SSUH2: variants seen among roughly 807,000 people sequenced by gnomAD.
SSUH2 encodes the protein protein SSUH2 homolog.
A neutral mutation model predicts 55.3 loss-of-function variants in SSUH2; 47 were observed. The observed-to-expected ratio is 0.85, with a 90% CI of 0.67 to 1.08. SSUH2 has a LOEUF of 1.08. Ranked by LOEUF, SSUH2 falls within the 50% of genes least tolerant of loss-of-function variation. The probability of loss-of-function intolerance (pLI) is 0.00; values close to 1 mark genes in which losing one functional copy is unlikely to be tolerated. For synonymous variants in SSUH2, 212 were observed against 191.5 expected (o/e 1.11, Z -0.89); for missense variants, 535 against 490.7 (o/e 1.09, Z -0.85).
Position 8,629,688 on chromosome 3 carries a change from G to A in SSUH2, c.564C>T (p.Cys188=), listed in dbSNP as rs1331450175. 3 of 1,270,794 alleles carry A rather than the reference G, an allele frequency of 2.4e-6. No individual in the cohort carries two copies. Among genetic ancestry groups the A allele is most frequent in the Admixed American group, 3.9e-5 (2 of 50,772 alleles). The allele number at this position is 1,270,794 out of a possible 1,614,324, so 78.7% of individuals were successfully genotyped here. ...CCGTGCCCGCCCCGTGGCAGCCGCT[G>A]CACTTGTACCGCCCACGCCCATGGC... ...HKCHGRGRYK[C]SGCHGAGTVR... is the part of the protein sequence containing the mutation. The change falls in exon 7 of 12, where the codon TGC becomes TGT. Residue 188 remains cysteine (C), a synonymous_variant. Transcript: ENST00000544814.
In SSUH2 at chr3:8,626,300, T is replaced by G; in HGVS notation, c.696A>C (p.Arg232Ser). The G allele has an allele frequency of 6.2e-7, 1 of 1,613,930 alleles. No homozygotes were observed. The highest frequency in any genetic ancestry group is 2.2e-5 in the East Asian group (1 of 44,868). Reference protein sequence around the residue: ...GRRRCSTCSGRGNKTCATCKG... With the variant: ...GRRRCSTCSGSGNKTCATCKG... ...TGCAGGTGGCGCAGGTCTTGTTCCC[T>G]CTCCCTGAGCAAGTGCTGCATCTGA... is the stretch of plus-strand genomic sequence containing the variant. Residue 232 changes from arginine to serine, a missense_variant, in exon 9 of 12, where the codon AGA becomes AGC. Arg to Ser is a moderately radical substitution (Grantham distance 110). Coordinates refer to ENST00000544814, the MANE Select transcript of SSUH2 (RefSeq NM_001256748.3).
At chr3:8,653,563 G>A (rs1702645220) in intron 7 of SSUH2, among the ~76,000 whole-genome samples, 1 of 152,112 alleles carries the variant, frequency 6.6e-6, no homozygotes, top group Non-Finnish European at 1.5e-5. Flanking sequence ...TCATTTTATT[G>A]TTGTTGCTGT....
rs1317751841 is a variant in SSUH2 at position 8,679,175 on chromosome 3, TC to T, written c.-901+529del. 6.2e-4 allele frequency among the ~76,000 whole-genome samples: 3 copies of T among 4,854 alleles called. 1 individual carries two copies. The highest frequency in any genetic ancestry group is 3.8e-3 in the Admixed American group (2 of 524). 3.2% of individuals were successfully genotyped at this position (4,854 alleles called of 152,430 possible). On this transcript the variant is annotated intron_variant, in intron 2 of 18. Transcript: ENST00000317371. ...GCGGGGACTGAGAGGCAGCCGCTGT[TC>T]CCCCACACTGGCTCTTGGGACCCCC...
intron 3 of SSUH2, among the ~76,000 whole-genome samples, chr3:8,676,268 C>T (rs1272564580): frequency 4.6e-5 from 7 of 151,904 alleles, no homozygotes; most frequent in Admixed American, 4.6e-4. Context: ...CATCCTCTTC[C>T]TCCCTGAATA....
At chr3:8,622,802 G>A (rs930975119) in intron 11 of SSUH2, among the ~76,000 whole-genome samples, 10 of 152,152 alleles carry the variant, frequency 6.6e-5, no homozygotes, top group Non-Finnish European at 8.8e-5. Flanking sequence ...AACACATTTC[G>A]AGGGTTTTGC....
chr3:8,626,138 C>G, intron 9 of SSUH2, 91 bp downstream of exon 9: 2 of 1,058,694 alleles, frequency 1.9e-6, no homozygotes, highest in South Asian at 1.4e-5. Flanking sequence ...GTGAAAGCCC[C>G]AACCAACCAC....
chr3:8,641,513 T>A (rs1700840205), intron 1 of SSUH2, among the ~76,000 whole-genome samples: 1 of 152,156 alleles, frequency 6.6e-6, no homozygotes, highest in African/African-American at 2.4e-5. Flanking sequence ...GGATCCTGTC[T>A]AAGCTGTAAC....
At chr3:8,641,648 G>T (rs947373410) in intron 1 of SSUH2, among the ~76,000 whole-genome samples, 10 of 152,198 alleles carry the variant, frequency 6.6e-5, no homozygotes, top group African/African-American at 2.4e-4. Flanking sequence ...GACCAGATGG[G>T]CCCCTAGAGG....
upstream of SSUH2, among the ~76,000 whole-genome samples, chr3:8,646,161 T>C (rs1406706820): frequency 6.6e-6 from 1 of 152,230 alleles, no homozygotes; most frequent in East Asian, 1.9e-4. Flanking sequence ...TTTCTCTGCG[T>C]GTATATTTTA....
intron 7 of SSUH2, among the ~76,000 whole-genome samples, chr3:8,656,039 TG>T (rs1306839706): frequency 6.6e-6 from 1 of 151,884 alleles, no homozygotes; most frequent in Admixed American, 6.5e-5. Flanking sequence ...TTGGGTGGTT[TG>T]TTCTGTTTTT....
At chr3:8,670,087 AG>A (rs149008932) in intron 5 of SSUH2, among the ~76,000 whole-genome samples, 3,580 of 152,066 alleles carry the variant, frequency 0.024, 135 homozygotes, top group African/African-American at 0.081. Context: ...GCATATCCCT[AG>A]GCCCCCCAGA....
rs1365145245 is a variant in SSUH2 at position 8,629,442 on chromosome 3, A to C, written c.588+222T>G. On this transcript the variant is annotated intron_variant, in intron 7 of 11. Coordinates refer to ENST00000544814, the MANE Select transcript of SSUH2 (RefSeq NM_001256748.3). ...TAGATGGATGAGAAAATAAGAGAAA[A>C]ATTAAAATCGAACTGTCAAAGTGAA... 8.8e-6 allele frequency: 5 copies of C among 569,152 alleles called. No homozygotes were observed. The African/African-American group carries it at 9.4e-5, about 11-fold the overall frequency. 35.3% of individuals were successfully genotyped at this position (569,152 alleles called of 1,614,324 possible). A position where few individuals can be genotyped will look rare whatever the true frequency, so the allele number is the denominator to read the frequency against.
Position 8,677,039 on chromosome 3 carries a change from C to T in SSUH2, c.-753+167G>A, listed in dbSNP as rs1228030451. Among the ~76,000 whole-genome samples the T allele has an allele frequency of 3.3e-4, 49 of 149,600 alleles. 1 individual carries two copies. Among genetic ancestry groups the T allele is most frequent in the Middle Eastern group, 3.4e-3 (1 of 292 alleles). On this transcript the variant is annotated intron_variant, in intron 3 of 18. Transcript: ENST00000317371. ...CTCCATCGCGGTGGGGGGAGGAACC[C>T]CCCAGGAGGCGGGGACTGCGAGCCA... is the stretch of plus-strand genomic sequence containing the variant.
upstream of SSUH2, among the ~76,000 whole-genome samples, chr3:8,647,244 C>A (rs544544206): frequency 6.6e-6 from 1 of 152,354 alleles, no homozygotes; most frequent in South Asian, 2.1e-4. Context: ...AGCAGCAGAA[C>A]AGAATCTCAG....
chr3:8,654,789 G>A (rs902598840), intron 7 of SSUH2, among the ~76,000 whole-genome samples: 2 of 151,572 alleles, frequency 1.3e-5, no homozygotes, highest in Non-Finnish European at 2.9e-5. Flanking sequence ...GGAGATCTCA[G>A]TGTGTGGCTT....
chr3:8,638,948 C>T (rs1023917315), intron 1 of SSUH2, among the ~76,000 whole-genome samples: 4 of 152,152 alleles, frequency 2.6e-5, no homozygotes, highest in Non-Finnish European at 5.9e-5. Flanking sequence ...ACAAAAGGGG[C>T]AGGAAGTGGG....
At chr3:8,643,492 G>C (rs181398135) in intron 1 of SSUH2, among the ~76,000 whole-genome samples, 37 of 152,328 alleles carry the variant, frequency 2.4e-4, no homozygotes, top group Non-Finnish European at 4.4e-4. Flanking sequence ...TTAGAGGTCA[G>C]ATTAAGCCCT....
At chr3:8,649,799 A>G (rs977511681) in intron 7 of SSUH2, among the ~76,000 whole-genome samples, 5 of 151,994 alleles carry the variant, frequency 3.3e-5, no homozygotes, top group Admixed American at 2.0e-4. Flanking sequence ...CCCATGCTCA[A>G]TTCAGAACTC....
intron 6 of SSUH2, among the ~76,000 whole-genome samples, chr3:8,663,224 C>T (rs1053765951): frequency 4.6e-5 from 7 of 152,350 alleles, no homozygotes; most frequent in Admixed American, 2.0e-4. Flanking sequence ...AGGTAACTTG[C>T]CTCAAGTACT....
Sources: allele counts gnomAD v4.1 joint callset (sites outside exome capture counted in the v4.1 genomes callset), GRCh38; gene constraint gnomAD v4.1.1; transcripts MANE v1.5; gene names NCBI Gene and HGNC (gene_info 2026-07-23, HGNC 2026-07-21).